MTARC2: variants seen among roughly 807,000 people sequenced by gnomAD.
MTARC2 encodes the protein MOCO sulphurase C-terminal domain containing 2.
A neutral mutation model predicts 35.6 loss-of-function variants in MTARC2; 27 were observed. The ratio of observed to expected loss-of-function variants is 0.76; its 90% CI spans 0.56 to 1.04. The LOEUF (loss-of-function observed/expected upper bound fraction) is 1.04, where lower values mean the gene tolerates loss of function less well. Among genes scored for constraint, MTARC2 ranks in the 50% least tolerant of loss-of-function variants. The pLI, the probability that MTARC2 is intolerant of heterozygous loss-of-function variation, is 0.00. For synonymous variants in MTARC2, 158 were observed against 167.1 expected, an observed-to-expected ratio of 0.95 and a Z score of 0.42; for missense variants, 412 against 432.5, an observed-to-expected ratio of 0.95 and a Z score of 0.42.
chr1:220,763,094 C>T (rs200282208), intron 4 of MTARC2, 44 bp downstream of exon 4: 3 of 1,613,890 alleles, frequency 1.9e-6, no homozygotes, highest in Admixed American at 3.3e-5. Flanking sequence ...AGATGTGCTG[C>T]TCGCGGTGCT....
At chr1:220,772,485 T>C (rs1012820937) in intron 4 of MTARC2, among the ~76,000 whole-genome samples, 1 of 152,192 alleles carries the variant, frequency 6.6e-6, no homozygotes, top group Admixed American at 6.5e-5. Context: ...AAAATATTCA[T>C]ATTTGCAGCA....
At chr1:220,748,830 G>A in intron 1 of MTARC2, 27 bp downstream of exon 1, 2 of 1,550,094 alleles carry the variant, frequency 1.3e-6, no homozygotes, top group Non-Finnish European at 1.7e-6. Flanking sequence ...GCGCGGGGCA[G>A]CGCGGAGCCT....
chr1:220,781,058 A>G (rs12030190), intron 6 of MTARC2, among the ~76,000 whole-genome samples: 2,451 of 149,256 alleles, frequency 0.016, 55 homozygotes, highest in East Asian at 0.058. Flanking sequence ...TTAGTTCCCA[A>G]CGAAGATAGT....
At chr1:220,781,147 T>G (rs1446157279) in intron 6 of MTARC2, among the ~76,000 whole-genome samples, 2 of 152,136 alleles carry the variant, frequency 1.3e-5, no homozygotes, top group Non-Finnish European at 2.9e-5. Context: ...TTCCAATGGG[T>G]TTAGCTTAGA....
intron 4 of MTARC2, among the ~76,000 whole-genome samples, chr1:220,776,245 T>G (rs1671908226): frequency 6.6e-6 from 1 of 151,900 alleles, no homozygotes; most frequent in South Asian, 2.1e-4. Context: ...TAGTTCATTG[T>G]GGTTTCGATT....
chr1:220,783,904 T>C lies in MTARC2; in HGVS notation c.*32-15T>C, dbSNP rs528826290. 5.1e-3 allele frequency: 3,628 copies of C among 717,386 alleles called. 122 individuals are homozygous for C. The highest frequency in any genetic ancestry group is 0.05 in the South Asian group (3,386 of 67,574). 44.4% of individuals were successfully genotyped at this position (717,386 alleles called of 1,614,324 possible). ...TAAACAACCAAATAACCAGAGATTC[T>C]TATTATTTATTCAGGCTTCAGCAAC... is the stretch of plus-strand genomic sequence containing the variant. On this transcript the variant is annotated splice_polypyrimidine_tract_variant and intron_variant, in intron 7 of 7. Coordinates refer to ENST00000366913, the MANE Select transcript of MTARC2 (RefSeq NM_017898.5).
intron 4 of MTARC2, among the ~76,000 whole-genome samples, chr1:220,764,369 A>G (rs985240687): frequency 1.3e-5 from 2 of 152,182 alleles, no homozygotes; most frequent in Non-Finnish European, 2.9e-5. Context: ...CTTGGATTAC[A>G]GGCATGAGCC....
chr1:220,772,240 T>C (rs948467755), intron 4 of MTARC2, among the ~76,000 whole-genome samples: 2 of 152,194 alleles, frequency 1.3e-5, no homozygotes, highest in Non-Finnish European at 2.9e-5. Context: ...TTTCCAAAAG[T>C]ATTCTTAGGA....
intron 5 of MTARC2, 21 bp downstream of exon 5, chr1:220,780,100 C>T (rs750564818): frequency 4.4e-6 from 7 of 1,598,482 alleles, no homozygotes; most frequent in South Asian, 1.1e-5. Context: ...TAGCTAGACC[C>T]CAGGACTGTG....
intron 4 of MTARC2, chr1:220,770,671 C>T (rs911145744): frequency 8.2e-6 from 5 of 612,134 alleles, no homozygotes; most frequent in Non-Finnish European, 1.0e-5. Flanking sequence ...TCCAGCACAG[C>T]CCAGGCTACT....
At chr1:220,750,181 G>A (rs1463185330) in intron 1 of MTARC2, among the ~76,000 whole-genome samples, 1 of 152,184 alleles carries the variant, frequency 6.6e-6, no homozygotes, top group Admixed American at 6.5e-5. Context: ...CCATGAAGAA[G>A]AAGAGGATGT....
chr1:220,762,487 T>G (rs1671466155), intron 3 of MTARC2, among the ~76,000 whole-genome samples: 4 of 152,220 alleles, frequency 2.6e-5, no homozygotes. Context: ...ATCTGCTTTC[T>G]TTACTGCTGT....
chr1:220,752,861 T>A (rs1413966829), intron 1 of MTARC2, among the ~76,000 whole-genome samples: 1 of 151,018 alleles, frequency 6.6e-6, no homozygotes, highest in Non-Finnish European at 1.5e-5. Flanking sequence ...TCTCTCTTGA[T>A]ATTAATTAAG....
chr1:220,776,015 T>A (rs1671897471), intron 4 of MTARC2, among the ~76,000 whole-genome samples: 1 of 152,384 alleles, frequency 6.6e-6, no homozygotes, highest in African/African-American at 2.4e-5. Context: ...TGTGGTAGAA[T>A]GATTTATATT....
At position 220,764,156 on chromosome 1, in the gene MTARC2, C is replaced by T. The variant is rs1050044046; in HGVS notation, c.750+1106C>T. ...TCACCCAGGCTGGAGTGCAGTGGCACGATCTCGGCTCGCTGCAAACTCCAC... is the reference window on the plus strand; with the variant it reads ...TCACCCAGGCTGGAGTGCAGTGGCATGATCTCGGCTCGCTGCAAACTCCAC... On this transcript the variant is annotated intron_variant, in intron 4 of 7. Coordinates refer to ENST00000366913, the MANE Select transcript of MTARC2 (RefSeq NM_017898.5). Among the ~76,000 whole-genome samples, 40 of 151,762 alleles carry T rather than the reference C, an allele frequency of 2.6e-4. 1 individual carries two copies. Among genetic ancestry groups the T allele is most frequent in the African/African-American group, 8.0e-4 (33 of 41,274 alleles).
At chr1:220,755,737 A>G (rs1671260429) in intron 2 of MTARC2, among the ~76,000 whole-genome samples, 1 of 152,176 alleles carries the variant, frequency 6.6e-6, no homozygotes, top group Admixed American at 6.5e-5. Context: ...TCATCAGTCT[A>G]TTATTTCTAG....
chr1:220,766,809 C>CTCT lies in MTARC2; in HGVS notation c.750+3773_750+3775dup, dbSNP rs145212305. 7.5e-4 allele frequency among the ~76,000 whole-genome samples: 109 copies of CTCT among 145,630 alleles called. 1 individual carries two copies. The South Asian group carries it at 0.015, about 20-fold the overall frequency. The stretch of plus-strand genomic sequence containing the variant: ...TCTTGGGCAGTGAGAGTGGAGTTGT[C>CTCT]TCTTCTTCTTCTTCTTTTTTTTTTT... On this transcript the variant is annotated intron_variant, in intron 4 of 7. Transcript: ENST00000366913.
intron 4 of MTARC2, among the ~76,000 whole-genome samples, chr1:220,767,603 G>A (rs1048716051): frequency 6.6e-6 from 1 of 152,244 alleles, no homozygotes; most frequent in Admixed American, 6.5e-5. Context: ...GTTGGCCATT[G>A]TGGGGTCAGT....
chr1:220,772,302 T>C (rs910779210), intron 4 of MTARC2, among the ~76,000 whole-genome samples: 1 of 152,232 alleles, frequency 6.6e-6, no homozygotes, highest in South Asian at 2.1e-4. Flanking sequence ...CAAATTGCTT[T>C]CCAGAAACCT....
Sources: allele counts gnomAD v4.1 joint callset (sites outside exome capture counted in the v4.1 genomes callset), GRCh38; gene constraint gnomAD v4.1.1; transcripts MANE v1.5; gene names NCBI Gene and HGNC (gene_info 2026-07-23, HGNC 2026-07-21).